TMEM62: variants seen among roughly 807,000 people sequenced by gnomAD.
TMEM62 encodes the protein transmembrane protein 62.
In TMEM62, 41 loss-of-function variants were observed where a neutral mutation model predicts 70.4. The observed-to-expected ratio is 0.58, with a 90% CI of 0.45 to 0.76. TMEM62 has a LOEUF of 0.76. Among genes scored for constraint, TMEM62 ranks in the 30% least tolerant of loss-of-function variants. The probability of loss-of-function intolerance (pLI) is 0.00; values close to 1 mark genes in which losing one functional copy is unlikely to be tolerated. For missense variants in TMEM62, 688 were observed against 788.5 expected (o/e 0.87, Z 1.53); for synonymous variants, 268 against 291.0 (o/e 0.92, Z 0.80).
chr15:43,174,296 C>T (rs1007041424), intron 11 of TMEM62, among the ~76,000 whole-genome samples: 4 of 152,018 alleles, frequency 2.6e-5, no homozygotes, highest in African/African-American at 9.7e-5. Flanking sequence ...GGATGAAATC[C>T]CTGGGATTAA....
chr15:43,161,868 G>C (rs1439461096), intron 10 of TMEM62, among the ~76,000 whole-genome samples: 3 of 151,896 alleles, frequency 2.0e-5, no homozygotes, highest in African/African-American at 7.3e-5. Context: ...TTCACTGTTG[G>C]CCAGGCTGGT....
At position 43,179,321 on chromosome 15, in the gene TMEM62, A is replaced by G. The variant is rs565791730; in HGVS notation, c.1486+610A>G. On this transcript the variant is annotated intron_variant, in intron 12 of 13. Coordinates refer to ENST00000260403, the MANE Select transcript of TMEM62 (RefSeq NM_024956.4). The stretch of plus-strand genomic sequence containing the variant: ...AATATTTACTAATGTGTGGCTCTCA[A>G]AAATTCAGCTCAAAAAAGAGAGAAA... Among the ~76,000 whole-genome samples, 10 of 152,316 alleles carry G rather than the reference A, an allele frequency of 6.6e-5. No homozygotes were observed. The East Asian group carries it at 1.9e-3, about 29-fold the overall frequency.
At chr15:43,154,396 T>C (rs982506156) in intron 8 of TMEM62, among the ~76,000 whole-genome samples, 3 of 152,354 alleles carry the variant, frequency 2.0e-5, no homozygotes, top group African/African-American at 7.2e-5. Flanking sequence ...ACTTTGAATC[T>C]ACCTTACCTA....
intron 2 of TMEM62, 29 bp downstream of exon 2, chr15:43,134,397 G>T: frequency 6.4e-7 from 1 of 1,555,978 alleles, no homozygotes; most frequent in South Asian, 1.1e-5. Flanking sequence ...CTGTGGTGGT[G>T]GTCTGTGGTC....
chr15:43,146,637 G>T lies in TMEM62; in HGVS notation c.618+3G>T. 8 of 1,604,950 alleles carry T rather than the reference G, an allele frequency of 5.0e-6. No individual in the cohort carries two copies. Among genetic ancestry groups the T allele is most frequent in the Non-Finnish European group, 6.8e-6 (8 of 1,176,880 alleles). On this transcript the variant is annotated splice_donor_region_variant and intron_variant, in intron 5 of 13. Coordinates refer to ENST00000260403, the MANE Select transcript of TMEM62 (RefSeq NM_024956.4). ...ATTTCTTTGGAATTTTAGATAAGGT[G>T]CAGTAAAAATCTTACTTCCCTTTGT...
At chr15:43,174,818 G>A (rs969252829) in intron 11 of TMEM62, among the ~76,000 whole-genome samples, 3 of 152,222 alleles carry the variant, frequency 2.0e-5, no homozygotes, top group Non-Finnish European at 2.9e-5. Context: ...AATTTCAATA[G>A]CTATAACAGC....
rs554140521 is a variant in TMEM62 at position 43,139,439 on chromosome 15, CT to C, written c.476+823del. Among the ~76,000 whole-genome samples the C allele has an allele frequency of 5.3e-5, 8 of 152,286 alleles. No homozygotes were observed. In the South Asian group the frequency reaches 1.7e-3, roughly 32 times the overall value. On this transcript the variant is annotated intron_variant, in intron 4 of 13. Coordinates refer to ENST00000260403, the MANE Select transcript of TMEM62 (RefSeq NM_024956.4). ...GAAAGGAAGGGCCCAACATCTCTCA[CT>C]TTAAATCAAAAGGTAGAAATGATGA...
chr15:43,149,078 A>C lies in TMEM62; in HGVS notation c.793A>C (p.Met265Leu). 1 of 1,614,074 alleles carries C rather than the reference A, an allele frequency of 6.2e-7. No homozygotes were observed. Among genetic ancestry groups the C allele is most frequent in the Non-Finnish European group, 8.5e-7 (1 of 1,180,002 alleles). ...ACATCTCCATACACTTGGTGGACTG[A>C]TGCCTGTTTTGCACACTCGTCACTT... ...CGHLHTLGGLMPVLHTRHFQG... is the reference protein window; with the variant it reads ...CGHLHTLGGLLPVLHTRHFQG... Residue 265 changes from methionine to leucine, a missense_variant, in exon 7 of 14, where the codon ATG (methionine) becomes CTG (leucine). Transcript: ENST00000260403.
At chr15:43,160,051 C>T (rs2038503499) in intron 9 of TMEM62, among the ~76,000 whole-genome samples, 1 of 152,012 alleles carries the variant, frequency 6.6e-6, no homozygotes, top group Admixed American at 6.6e-5. Context: ...TCACTGCAAG[C>T]TCTTCTTCCT....
At chr15:43,147,184 G>A (rs1350789014) in intron 5 of TMEM62, among the ~76,000 whole-genome samples, 3 of 152,028 alleles carry the variant, frequency 2.0e-5, no homozygotes, top group Non-Finnish European at 2.9e-5. Flanking sequence ...GGGTGGTCTC[G>A]AACTCCTGAT....
In TMEM62 at chr15:43,184,384, T is replaced by C. The variant is rs773062224; in HGVS notation, c.1730T>C (p.Leu577Pro). ...TACTTGAAAATTATGCCTGTTCACCTACTTATGCTACTGCTGTACATCTGG... is the reference window on the plus strand; with the variant it reads ...TACTTGAAAATTATGCCTGTTCACCCACTTATGCTACTGCTGTACATCTGG... ...RKYLKIMPVH[L>P]LMLLLYIWQV... The change falls in exon 14 of 14, where the codon CTA (leucine) becomes CCA (proline). Residue 577 changes from leucine to proline, a missense_variant. By Grantham distance (98) the Leu-to-Pro change is moderately conservative (BLOSUM62 -3). Transcript: ENST00000260403. 5 of 1,614,240 alleles carry C rather than the reference T, an allele frequency of 3.1e-6. No individual in the cohort carries two copies. In the South Asian group the frequency reaches 4.4e-5, roughly 14 times the overall value.
intron 3 of TMEM62, among the ~76,000 whole-genome samples, chr15:43,137,127 T>G (rs931728195): frequency 1.3e-5 from 2 of 152,198 alleles, no homozygotes; most frequent in African/African-American, 4.8e-5. Context: ...TTTTTAAGAT[T>G]ATCATTGTGT....
At chr15:43,136,593 T>C (rs1388032663) in intron 3 of TMEM62, among the ~76,000 whole-genome samples, 1 of 151,570 alleles carries the variant, frequency 6.6e-6, no homozygotes, top group Non-Finnish European at 1.5e-5. Context: ...TACAGACAGG[T>C]ACCACCCTGC....
At chr15:43,168,625 C>G (rs986426366) in intron 10 of TMEM62, among the ~76,000 whole-genome samples, 6 of 152,122 alleles carry the variant, frequency 3.9e-5, no homozygotes, top group Non-Finnish European at 8.8e-5. Context: ...ACTTTTCTCT[C>G]TTGTTTCCAC....
At chr15:43,140,079 T>G (rs78219980) in intron 4 of TMEM62, among the ~76,000 whole-genome samples, 1,688 of 152,246 alleles carry the variant, frequency 0.011, 28 homozygotes, top group African/African-American at 0.033. Context: ...CTGATTTTTT[T>G]TTGTTGTTGT....
chr15:43,170,902 C>A (rs1318486740), intron 11 of TMEM62, among the ~76,000 whole-genome samples: 3 of 152,124 alleles, frequency 2.0e-5, no homozygotes, highest in Admixed American at 2.0e-4. Context: ...GTTATATGGG[C>A]AATTCAGAAA....
At chr15:43,178,406 C>T (rs1389347712) in intron 11 of TMEM62, among the ~76,000 whole-genome samples, 1 of 152,044 alleles carries the variant, frequency 6.6e-6, no homozygotes, top group Non-Finnish European at 1.5e-5. Context: ...GAACTCTCTG[C>T]CTTTTGCAAT....
Position 43,181,231 on chromosome 15 carries a change from T to G in TMEM62, c.1537T>G (p.Ser513Ala). The G allele has an allele frequency of 6.2e-7, 1 of 1,614,072 alleles. No individual in the cohort carries two copies. Among genetic ancestry groups the G allele is most frequent in the Non-Finnish European group, 8.5e-7 (1 of 1,179,996 alleles). ...IIDGKFGCCFSFGIFVNGHFL... is the reference protein window; with the variant it reads ...IIDGKFGCCFAFGIFVNGHFL... ...TGATGGCAAATTTGGTTGCTGCTTT[T>G]CCTTTGGGATATTTGTTAATGGACA... The change falls in exon 13 of 14, where the codon TCC (serine) becomes GCC (alanine). Residue 513 changes from serine to alanine, a missense_variant. Ser to Ala is a moderately conservative substitution (Grantham distance 99). Transcript: ENST00000260403.
At chr15:43,140,294 C>G (rs1288512461) in intron 4 of TMEM62, among the ~76,000 whole-genome samples, 4 of 152,210 alleles carry the variant, frequency 2.6e-5, no homozygotes, top group African/African-American at 9.6e-5. Flanking sequence ...GATCCAGCTC[C>G]TCATATACTG....
Sources: gnomAD v4.1 joint callset for allele counts (sites outside exome capture counted in the v4.1 genomes callset) on GRCh38, gnomAD v4.1.1 for gene constraint, MANE v1.5 for transcripts, NCBI Gene and HGNC (gene_info 2026-07-23, HGNC 2026-07-21) for gene names.